CSNK1G3: variants seen among roughly 807,000 people sequenced by gnomAD.
CSNK1G3 encodes casein kinase I isoform gamma-3.
A neutral mutation model predicts 64.3 loss-of-function variants in CSNK1G3; 23 were observed. The observed-to-expected ratio is 0.36, with a 90% CI of 0.26 to 0.51. The LOEUF is 0.51. Ranked by LOEUF, CSNK1G3 falls within the 20% of genes least tolerant of loss-of-function variation. The pLI, the probability that CSNK1G3 is intolerant of heterozygous loss-of-function variation, is 0.96. For synonymous variants in CSNK1G3, 158 were observed against 162.2 expected, an observed-to-expected ratio of 0.97 and a Z score of 0.20; for missense variants, 357 against 510.5, an observed-to-expected ratio of 0.70 and a Z score of 2.90.
chr5:123,609,935 G>C (rs1321443053), intron 12 of CSNK1G3, among the ~76,000 whole-genome samples: 1 of 152,178 alleles, frequency 6.6e-6, no homozygotes, highest in Admixed American at 6.5e-5. Context: ...GGGCAATTTG[G>C]ATGGCAGATT....
chr5:123,578,868 A>C (rs1331338081), intron 6 of CSNK1G3, among the ~76,000 whole-genome samples: 1 of 151,978 alleles, frequency 6.6e-6, no homozygotes, highest in Admixed American at 6.6e-5. Context: ...GTTTCTTAAA[A>C]AGTCAATTCT....
chr5:123,517,585 T>C (rs1051121713), intron 1 of CSNK1G3, among the ~76,000 whole-genome samples: 1 of 151,990 alleles, frequency 6.6e-6, no homozygotes, highest in Non-Finnish European at 1.5e-5. Flanking sequence ...ATTTTTCACG[T>C]TTGTAAAATG....
chr5:123,560,752 G>C (rs1785538192), intron 4 of CSNK1G3, among the ~76,000 whole-genome samples: 1 of 152,102 alleles, frequency 6.6e-6, no homozygotes, highest in African/African-American at 2.4e-5. Context: ...TTAACATGAG[G>C]TTGGAATAGT....
At chr5:123,541,161 TA>T (rs1268531613) in intron 1 of CSNK1G3, among the ~76,000 whole-genome samples, 2 of 152,236 alleles carry the variant, frequency 1.3e-5, no homozygotes, top group Non-Finnish European at 1.5e-5. Context: ...ATCATGCTAT[TA>T]AAAAATTTGT....
At chr5:123,584,294 A>G (rs1790900822) in intron 6 of CSNK1G3, among the ~76,000 whole-genome samples, 1 of 151,628 alleles carries the variant, frequency 6.6e-6, no homozygotes, top group Non-Finnish European at 1.5e-5. Flanking sequence ...GTTAGTTGAC[A>G]TTTTTCGTAG....
intron 10 of CSNK1G3, 49 bp downstream of exon 10, chr5:123,591,463 T>TA: frequency 8.1e-7 from 1 of 1,233,692 alleles, no homozygotes; most frequent in East Asian, 2.5e-5. Context: ...GATTGAAACA[T>TA]ACACTTTTTT....
At chr5:123,584,958 C>G (rs183504107) in intron 6 of CSNK1G3, among the ~76,000 whole-genome samples, 82 of 152,158 alleles carry the variant, frequency 5.4e-4, no homozygotes, top group African/African-American at 1.9e-3. Flanking sequence ...GTGTTTCTTT[C>G]TTTTAGCCTG....
At chr5:123,537,139 A>G (rs1561475660) in intron 1 of CSNK1G3, among the ~76,000 whole-genome samples, 1 of 152,200 alleles carries the variant, frequency 6.6e-6, no homozygotes, top group African/African-American at 2.4e-5. Context: ...TTGCACTCCT[A>G]CATTTATGGC....
At position 123,520,004 on chromosome 5, in the gene CSNK1G3, G is replaced by A. The variant is rs1433548367; in HGVS notation, c.-248+7434G>A. ...AGGCTTTGGAAAAATTTAACCAGAA[G>A]TTTTCTTTTTTTTCCAGTAAAATAA... On this transcript the variant is annotated intron_variant, in intron 1 of 12. Coordinates refer to ENST00000345990, the Ensembl canonical transcript of CSNK1G3. 2.0e-5 allele frequency among the ~76,000 whole-genome samples: 3 copies of A among 151,994 alleles called. No homozygotes were observed. The East Asian group carries it at 5.8e-4, about 29-fold the overall frequency.
At chr5:123,584,674 T>C (rs1223732797) in intron 6 of CSNK1G3, among the ~76,000 whole-genome samples, 1 of 152,210 alleles carries the variant, frequency 6.6e-6, no homozygotes, top group East Asian at 1.9e-4. Flanking sequence ...GGTATTATTC[T>C]TTAACTGTTT....
At chr5:123,574,789 G>C (rs1788843777) in intron 5 of CSNK1G3, among the ~76,000 whole-genome samples, 2 of 152,108 alleles carry the variant, frequency 1.3e-5, no homozygotes, top group South Asian at 4.1e-4. Flanking sequence ...TGAGCTATGC[G>C]TTCCATCCTG....
intron 1 of CSNK1G3, among the ~76,000 whole-genome samples, chr5:123,535,806 C>T (rs1003914661): frequency 1.3e-5 from 2 of 152,074 alleles, no homozygotes; most frequent in Non-Finnish European, 2.9e-5. Flanking sequence ...CAAAATGACC[C>T]GTTCAAATTT....
At chr5:123,576,802 T>C (rs1277530012) in intron 6 of CSNK1G3, among the ~76,000 whole-genome samples, 2 of 152,154 alleles carry the variant, frequency 1.3e-5, no homozygotes, top group African/African-American at 4.8e-5. Context: ...AAAAGTTTCT[T>C]GTAGTTAGAT....
intron 4 of CSNK1G3, among the ~76,000 whole-genome samples, chr5:123,558,975 A>C (rs1202727318): frequency 1.3e-5 from 2 of 152,098 alleles, no homozygotes; most frequent in African/African-American, 4.8e-5. Context: ...TGTAAGCTTC[A>C]CTCTCTAGTT....
At chr5:123,537,175 T>C (rs1209294889) in intron 1 of CSNK1G3, among the ~76,000 whole-genome samples, 3 of 152,084 alleles carry the variant, frequency 2.0e-5, no homozygotes, top group South Asian at 2.1e-4. Context: ...AGCAAAGATA[T>C]AGAATCAACC....
chr5:123,524,179 G>C (rs1778638646), intron 1 of CSNK1G3, among the ~76,000 whole-genome samples: 1 of 152,136 alleles, frequency 6.6e-6, no homozygotes, highest in South Asian at 2.1e-4. Flanking sequence ...ATTTGAATCT[G>C]TGTTAGTTTC....
chr5:123,542,936 G>T (rs1034798856), intron 1 of CSNK1G3, among the ~76,000 whole-genome samples: 1 of 131,362 alleles, frequency 7.6e-6, no homozygotes, highest in Non-Finnish European at 1.6e-5. Flanking sequence ...TTTTTTTTCC[G>T]CCCTCTTCTT....
chr5:123,589,046 T>A (rs1193960053), intron 8 of CSNK1G3, among the ~76,000 whole-genome samples: 2 of 152,114 alleles, frequency 1.3e-5, no homozygotes, highest in African/African-American at 2.4e-5. Flanking sequence ...CAAAAAAAAT[T>A]TACTTAAGAT....
chr5:123,595,179 C>A (rs1030637715), intron 10 of CSNK1G3, 45 bp downstream of exon 11: 2 of 1,544,508 alleles, frequency 1.3e-6, no homozygotes, highest in Middle Eastern at 1.7e-4. Flanking sequence ...CAGATTTATA[C>A]AACTAACCCT....
Sources: allele counts gnomAD v4.1 joint callset (sites outside exome capture counted in the v4.1 genomes callset), GRCh38; gene constraint gnomAD v4.1.1; transcripts MANE v1.5; gene names NCBI Gene and HGNC (gene_info 2026-07-23, HGNC 2026-07-21).